Variants in PRAG1 observed in about 807,000 individuals in gnomAD.
PRAG1 encodes the protein inactive tyrosine-protein kinase PRAG1.
PRAG1 carries 110 observed loss-of-function variants against 95.6 expected under a neutral mutation model. The observed-to-expected ratio is 1.15, with a 90% CI of 0.99 to 1.35. The LOEUF is 1.35. PRAG1 is among the 40% of genes most tolerant of loss of function. The pLI, the probability that PRAG1 is intolerant of heterozygous loss-of-function variation, is 0.00. For synonymous variants in PRAG1, 1,052 were observed against 819.4 expected (o/e 1.28, Z -4.85); for missense variants, 2,554 against 1,864.7 (o/e 1.37, Z -6.81).
At chr8:8,381,224 C>T (rs140892459) in intron 2 of PRAG1, among the ~76,000 whole-genome samples, 194 bp downstream of exon 2, 333 of 152,312 alleles carry the variant, frequency 2.2e-3, no homozygotes, top group African/African-American at 7.4e-3. Context: ...ATTAATGATT[C>T]TTAGCCTAAA....
At chr8:8,329,578 A>G (rs191987576) in intron 4 of PRAG1, among the ~76,000 whole-genome samples, 1 of 152,290 alleles carries the variant, frequency 6.6e-6, no homozygotes, top group Admixed American at 6.5e-5. Flanking sequence ...GGAGAAGACA[A>G]GGGGTAGAAG....
chr8:8,367,615 T>A (rs573991918), intron 3 of PRAG1, among the ~76,000 whole-genome samples: 5 of 151,996 alleles, frequency 3.3e-5, no homozygotes, highest in Non-Finnish European at 7.4e-5. Flanking sequence ...TCAATTTATC[T>A]CAACTGTTCT....
chr8:8,343,033 G>C (rs2116845335), intron 3 of PRAG1, among the ~76,000 whole-genome samples: 1 of 152,020 alleles, frequency 6.6e-6, no homozygotes, highest in African/African-American at 2.4e-5. Flanking sequence ...CTGGTAGGCA[G>C]AATAAAAAAG....
At chr8:8,330,948 G>C (rs2979212) in intron 4 of PRAG1, among the ~76,000 whole-genome samples, 1 of 152,076 alleles carries the variant, frequency 6.6e-6, no homozygotes, top group Non-Finnish European at 1.5e-5. Context: ...CCAGCCTGAT[G>C]AGCAGGAGGA....
At chr8:8,368,813 G>C (rs1214780531) in intron 3 of PRAG1, among the ~76,000 whole-genome samples, 1 of 149,994 alleles carries the variant, frequency 6.7e-6, no homozygotes, top group Non-Finnish European at 1.5e-5. Flanking sequence ...CCACACCTTA[G>C]AATTCCTTGT....
chr8:8,357,638 C>A (rs996465649), intron 3 of PRAG1, among the ~76,000 whole-genome samples: 1 of 152,112 alleles, frequency 6.6e-6, no homozygotes, highest in Non-Finnish European at 1.5e-5. Context: ...GGCAGTTCCT[C>A]AAAAAATTAG....
chr8:8,355,063 C>G (rs76583065), intron 3 of PRAG1, among the ~76,000 whole-genome samples: 2 of 126,770 alleles, frequency 1.6e-5, no homozygotes, highest in East Asian at 4.9e-4. Context: ...AAAATGAATT[C>G]GGTAAAGTTG....
intron 3 of PRAG1, among the ~76,000 whole-genome samples, chr8:8,363,877 T>C (rs960802952): frequency 6.6e-6 from 1 of 152,210 alleles, no homozygotes; most frequent in Non-Finnish European, 1.5e-5. Context: ...CTCTTAGTTA[T>C]TTCAGTCAAT....
chr8:8,379,604 T>G (rs1183439819), intron 2 of PRAG1, among the ~76,000 whole-genome samples: 2 of 152,216 alleles, frequency 1.3e-5, no homozygotes, highest in Admixed American at 1.3e-4. Flanking sequence ...AGAATTGACC[T>G]TAGTTTTCAT....
At chr8:8,327,662 A>T in intron 5 of PRAG1, 48 bp downstream of exon 5, 1 of 1,569,492 alleles carries the variant, frequency 6.4e-7, no homozygotes, top group Non-Finnish European at 8.7e-7. Context: ...TGCCCAAGCC[A>T]GCACCAGCCA....
At chr8:8,349,178 G>A (rs1040615737) in intron 3 of PRAG1, among the ~76,000 whole-genome samples, 3 of 152,188 alleles carry the variant, frequency 2.0e-5, no homozygotes, top group African/African-American at 7.2e-5. Flanking sequence ...CACAAATCTT[G>A]TAGTTTTTAA....
chr8:8,330,714 T>C (rs1798793417), intron 4 of PRAG1, among the ~76,000 whole-genome samples: 1 of 152,114 alleles, frequency 6.6e-6, no homozygotes, highest in African/African-American at 2.4e-5. Flanking sequence ...CAGCAGGTGC[T>C]GAAATCCTGC....
rs765867051 is a variant in PRAG1, at chr8:8,319,053, C to G, written c.3322G>C (p.Ala1108Pro). ...TCGGGCTCCGCCTGGTGGCTGGCCGCCGAGTCCCGCACGAAGTCGGAGGCG... is the reference window on the plus strand; with the variant it reads ...TCGGGCTCCGCCTGGTGGCTGGCCGGCGAGTCCCGCACGAAGTCGGAGGCG... ...QTASDFVRDS[A>P]ASHQAEPEAY... The change falls in exon 6 of 6, where the codon GCG becomes CCG. Residue 1108 changes from alanine to proline, a missense_variant. Transcript: ENST00000615670. The G allele has an allele frequency of 6.2e-7, 1 of 1,612,520 alleles. No individual in the cohort carries two copies. Among genetic ancestry groups the G allele is most frequent in the East Asian group, 2.2e-5 (1 of 44,854 alleles).
intron 3 of PRAG1, among the ~76,000 whole-genome samples, chr8:8,344,871 G>C (rs561017426): frequency 2.0e-5 from 3 of 152,276 alleles, no homozygotes; most frequent in African/African-American, 7.2e-5. Context: ...CCACCACAGA[G>C]CACCCCTGTG....
At chr8:8,385,427 C>A (rs1800815228) in intron 1 of PRAG1, among the ~76,000 whole-genome samples, 1 of 152,160 alleles carries the variant, frequency 6.6e-6, no homozygotes, top group Non-Finnish European at 1.5e-5. Flanking sequence ...CAGTCGAAAC[C>A]AACCAGACCT....
chr8:8,345,927 C>T (rs1799326250), intron 3 of PRAG1, among the ~76,000 whole-genome samples: 1 of 152,200 alleles, frequency 6.6e-6, no homozygotes, highest in Non-Finnish European at 1.5e-5. Flanking sequence ...ATGAGCAAAA[C>T]CACATCAAAT....
chr8:8,328,320 A>C lies in PRAG1; in HGVS notation c.2462T>G (p.Val821Gly), dbSNP rs1585222395. 6.2e-7 allele frequency: 1 copy of C among 1,613,374 alleles called. No homozygotes were observed. The highest frequency in any genetic ancestry group is 1.1e-5 in the South Asian group (1 of 91,042). The change falls in exon 5 of 6, where the codon GTG becomes GGG. Residue 821 changes from valine (V) to glycine (G), a missense_variant. By Grantham distance (109) the Val-to-Gly change is moderately radical (BLOSUM62 -3). Coordinates refer to ENST00000615670, the MANE Select transcript of PRAG1 (RefSeq NM_001080826.3). ...QPPPLPQKKI[V>G]SRAASSPDGF... ...ATCCGGTGAAGAGGCTGCCCGGCTC[A>C]CTATCTTTTTCTGGGGGAGTGGAGG...
rs150215541 is a variant in PRAG1, at chr8:8,324,776, G to A, written c.3072+2934C>T. Among the ~76,000 whole-genome samples, 7 of 152,350 alleles carry A rather than the reference G, an allele frequency of 4.6e-5. No homozygotes were observed. In the East Asian group the frequency reaches 1.3e-3, roughly 29 times the overall value. On this transcript the variant is annotated intron_variant, in intron 5 of 5. Coordinates refer to ENST00000615670, the MANE Select transcript of PRAG1 (RefSeq NM_001080826.3). ...TCTGTTAAATAAAAAAGGCCCAGCA[G>A]CTTAAAACGGGGCCCTAATTACCAA...
chr8:8,374,724 G>T, intron 3 of PRAG1: 2 of 985,294 alleles, frequency 2.0e-6, no homozygotes, highest in South Asian at 4.7e-5. Context: ...TCAGGATCTG[G>T]AAGATGTCTG....
Sources: gnomAD v4.1 joint callset for allele counts (sites outside exome capture counted in the v4.1 genomes callset) on GRCh38, gnomAD v4.1.1 for gene constraint, MANE v1.5 for transcripts, NCBI Gene and HGNC (gene_info 2026-07-23, HGNC 2026-07-21) for gene names.